Variants in ELMO1 observed in about 807,000 individuals in gnomAD.
The protein encoded by ELMO1 is engulfment and cell motility 1, also known as engulfment and cell motility protein 1.
A neutral mutation model predicts 98.9 loss-of-function variants in ELMO1; 26 were observed. The ratio of observed to expected loss-of-function variants is 0.26; its 90% CI spans 0.19 to 0.36. The LOEUF (loss-of-function observed/expected upper bound fraction) is 0.36. ELMO1 is among the 10% of genes least tolerant of loss of function. ELMO1 has a pLI of 1.00. For missense variants in ELMO1, 627 were observed against 935.2 expected (o/e 0.67, Z 4.30); for synonymous variants, 346 against 346.0 (o/e 1.00, Z 0.00).
rs947012926 is a variant in ELMO1, at chr7:37,384,187, A to G, written c.-73-41424T>C. 2.0e-5 allele frequency among the ~76,000 whole-genome samples: 3 copies of G among 152,166 alleles called. No individual in the cohort carries two copies. The East Asian group carries it at 5.8e-4, about 29-fold the overall frequency. On this transcript the variant is annotated intron_variant, in intron 1 of 21. Coordinates refer to ENST00000310758, the MANE Select transcript of ELMO1 (RefSeq NM_014800.11). ...ATATGTTGCTTAGAGAGTCTATTGA[A>G]TTCTATTTTAGTCATACCTATTTTG...
At chr7:37,277,712 A>G (rs1297131561) in intron 4 of ELMO1, among the ~76,000 whole-genome samples, 2 of 152,240 alleles carry the variant, frequency 1.3e-5, no homozygotes, top group Non-Finnish European at 2.9e-5. Flanking sequence ...GGCCCGCTTC[A>G]TGAGAAAGGA....
chr7:37,021,194 T>G (rs976400282), intron 15 of ELMO1, among the ~76,000 whole-genome samples: 6 of 152,086 alleles, frequency 3.9e-5, no homozygotes, highest in African/African-American at 1.4e-4. Context: ...GTCAAGAACT[T>G]GAAGTTCCTT....
At chr7:37,362,940 A>G (rs1801752400) in intron 1 of ELMO1, among the ~76,000 whole-genome samples, 1 of 152,212 alleles carries the variant, frequency 6.6e-6, no homozygotes, top group African/African-American at 2.4e-5. Context: ...CCCTTGCCAC[A>G]GTGAATTTGG....
intron 13 of ELMO1, among the ~76,000 whole-genome samples, chr7:37,145,574 G>T (rs549029101): frequency 1.3e-5 from 2 of 152,234 alleles, no homozygotes; most frequent in African/African-American, 2.4e-5. Context: ...TCCTGGTTGG[G>T]AAAACAGTAC....
intron 15 of ELMO1, among the ~76,000 whole-genome samples, chr7:37,055,153 C>T (rs1227056516): frequency 1.3e-5 from 2 of 152,200 alleles, no homozygotes; most frequent in African/African-American, 4.8e-5. Context: ...AATGTGTGCA[C>T]ATGGCTTCTG....
At chr7:37,164,193 T>C (rs1225604142) in intron 13 of ELMO1, among the ~76,000 whole-genome samples, 1 of 152,208 alleles carries the variant, frequency 6.6e-6, no homozygotes, top group Non-Finnish European at 1.5e-5. Flanking sequence ...TTGTTTGTTA[T>C]TTCTTGTAAA....
intron 13 of ELMO1, among the ~76,000 whole-genome samples, chr7:37,159,505 A>C (rs1789045953): frequency 6.6e-6 from 1 of 152,194 alleles, no homozygotes; most frequent in Admixed American, 6.5e-5. Flanking sequence ...GTTCAAGACC[A>C]GCCTGGCCAA....
intron 1 of ELMO1, among the ~76,000 whole-genome samples, chr7:37,392,982 G>A (rs1431243174): frequency 6.6e-6 from 1 of 152,120 alleles, no homozygotes; most frequent in Non-Finnish European, 1.5e-5. Context: ...TCTCTTGGTT[G>A]TGCCCCTTGG....
chr7:37,279,970 AC>A (rs1436878781), intron 4 of ELMO1, among the ~76,000 whole-genome samples: 2 of 152,218 alleles, frequency 1.3e-5, no homozygotes, highest in Non-Finnish European at 2.9e-5. Flanking sequence ...GGCCATAGTC[AC>A]CAAAACAGCA....
intron 13 of ELMO1, among the ~76,000 whole-genome samples, chr7:37,135,378 C>A (rs868807743): frequency 6.6e-6 from 1 of 152,184 alleles, no homozygotes; most frequent in South Asian, 2.1e-4. Flanking sequence ...AGATAATTCA[C>A]AGACCCTTTG....
At chr7:37,357,917 A>G (rs997060426) in intron 1 of ELMO1, among the ~76,000 whole-genome samples, 21 of 152,216 alleles carry the variant, frequency 1.4e-4, no homozygotes, top group African/African-American at 5.1e-4. Flanking sequence ...TGCATAGATA[A>G]ATAAGATCTG....
Position 37,211,489 on chromosome 7 carries a change from C to T in ELMO1, c.983G>A (p.Arg328Gln), listed in dbSNP as rs1174488092. 6.2e-7 allele frequency: 1 copy of T among 1,613,818 alleles called. No homozygotes were observed. The highest frequency in any genetic ancestry group is 8.5e-7 in the Non-Finnish European group (1 of 1,179,936). Residue 328 changes from arginine to glutamine, a missense_variant, in exon 13 of 22, where the codon CGA becomes CAA. Arg to Gln is a conservative substitution (Grantham distance 43, BLOSUM62 1). Around this residue, in one of 3 missense-constraint regions of ELMO1, gnomAD observed 492 missense variants for 715.6 expected, o/e 0.69. Transcript: ENST00000310758. ...QAQRDIIFEL[R>Q]RIAFDAESEP... is the part of the protein sequence containing the mutation. ...AGACTCAGCATCAAAAGCAATTCTT[C>T]GAAGTTCAAATATGATGTCCCTCTG...
intron 1 of ELMO1, among the ~76,000 whole-genome samples, chr7:37,428,714 C>G (rs541899261): frequency 6.6e-6 from 1 of 152,348 alleles, no homozygotes; most frequent in East Asian, 1.9e-4. Context: ...AGAAGATCAG[C>G]TTTTTACTTT....
chr7:37,051,581 GT>G lies in ELMO1; in HGVS notation c.1301-38147del, dbSNP rs34978964. Among the ~76,000 whole-genome samples the G allele has an allele frequency of 2.1e-3, 308 of 144,984 alleles. 2 individuals carry two copies. The highest frequency in any genetic ancestry group is 0.021 in the Middle Eastern group (6 of 284). ...TTTATTTACCCTTATACTTAAAGGT[GT>G]TTTTTTTTTTGTCTCTCTTTCTACC... On this transcript the variant is annotated intron_variant, in intron 15 of 21. Transcript: ENST00000310758.
intron 13 of ELMO1, among the ~76,000 whole-genome samples, chr7:37,193,237 G>A (rs78281135): frequency 0.011 from 1,600 of 151,982 alleles, 16 homozygotes; most frequent in Non-Finnish European, 0.017. Flanking sequence ...TTGGTGAGGG[G>A]GGAGGCTCAA....
intron 13 of ELMO1, among the ~76,000 whole-genome samples, chr7:37,148,484 A>C (rs375114644): frequency 6.6e-6 from 1 of 152,234 alleles, no homozygotes; most frequent in African/African-American, 2.4e-5. Context: ...TATTTTGAAG[A>C]AGCAGAATTA....
At chr7:37,424,888 T>TAAA (rs1314363420) in intron 1 of ELMO1, among the ~76,000 whole-genome samples, 114 of 151,546 alleles carry the variant, frequency 7.5e-4, no homozygotes, top group African/African-American at 2.7e-3. Context: ...ATAATAATAA[T>TAAA]AAACCATTTT....
chr7:37,377,200 C>T (rs1282234308), intron 1 of ELMO1, among the ~76,000 whole-genome samples: 1 of 152,150 alleles, frequency 6.6e-6, no homozygotes, highest in African/African-American at 2.4e-5. Context: ...ATTTGAAGTA[C>T]AGTTTCTACC....
At chr7:37,377,465 A>G (rs1802398800) in intron 1 of ELMO1, among the ~76,000 whole-genome samples, 1 of 152,098 alleles carries the variant, frequency 6.6e-6, no homozygotes, top group African/African-American at 2.4e-5. Flanking sequence ...TACCACCAAC[A>G]AGGGTAGAAT....
Sources: gnomAD v4.1 joint callset for allele counts (sites outside exome capture counted in the v4.1 genomes callset) on GRCh38, gnomAD v4.1.1 for gene constraint, gnomAD v4.1.1 regional missense constraint, MANE v1.5 for transcripts, NCBI Gene and HGNC (gene_info 2026-07-23, HGNC 2026-07-21) for gene names.